INSR: variants seen among roughly 807,000 people sequenced by gnomAD.
INSR encodes the protein insulin receptor.
In INSR, 67 loss-of-function variants were observed where a neutral mutation model predicts 142.6. That is an observed-to-expected ratio of 0.47 (90% CI 0.39 to 0.58). INSR has a LOEUF of 0.58. Ranked by LOEUF, INSR falls within the 20% of genes least tolerant of loss-of-function variation. The pLI, the probability that INSR is intolerant of heterozygous loss-of-function variation, is 0.00. For missense variants in INSR, 1,248 were observed against 1,833.2 expected (o/e 0.68, Z 5.83); for synonymous variants, 756 against 743.1 (o/e 1.02, Z -0.28).
Position 7,293,970 on chromosome 19 carries a change from C to G in INSR, c.-79G>C, listed in dbSNP as rs1968571220. 1 of 1,136,836 alleles carries G rather than the reference C, an allele frequency of 8.8e-7. No homozygotes were observed. The allele number at this position is 1,136,836 out of a possible 1,614,324, so 70.4% of individuals were successfully genotyped here. A position where few individuals can be genotyped will look rare whatever the true frequency, so the allele number is the denominator to read the frequency against. On this transcript the variant is annotated 5_prime_UTR_variant, in exon 1 of 22. Coordinates refer to ENST00000302850, the MANE Select transcript of INSR (RefSeq NM_000208.4). ...GGGGTCATGCTCCGAGGCGGCCACCCAAGAGGCGCTGGGGGCCGCGCGTCC... is the reference window on the plus strand; with the variant it reads ...GGGGTCATGCTCCGAGGCGGCCACCGAAGAGGCGCTGGGGGCCGCGCGTCC...
At chr19:7,160,679 G>C (rs186795980) in intron 9 of INSR, among the ~76,000 whole-genome samples, 2 of 152,042 alleles carry the variant, frequency 1.3e-5, no homozygotes, top group South Asian at 2.1e-4. Context: ...CTCCAGTTTG[G>C]TGGGTTCTAA....
In INSR at chr19:7,142,940, C is replaced by T. The variant is rs749049187; in HGVS notation, c.2418G>A (p.Ser806=). ...AGTGTCGCAAGCCGGAGATGACCAG[C>T]GACTCCTTGTTCACCACCTTCTCAA... is the stretch of plus-strand genomic sequence containing the variant. ...RPFEKVVNKE[S]LVISGLRHFT... is the part of the protein sequence containing the mutation. The change falls in exon 12 of 22, where the codon TCG becomes TCA. Residue 806 remains serine (S), a synonymous_variant. Transcript: ENST00000302850. 2.1e-5 allele frequency: 34 copies of T among 1,614,044 alleles called. No homozygotes were observed. Among genetic ancestry groups the T allele is most frequent in the East Asian group, 8.9e-5 (4 of 44,894 alleles).
intron 2 of INSR, among the ~76,000 whole-genome samples, chr19:7,252,785 G>A (rs368023964): frequency 1.2e-4 from 18 of 152,146 alleles, no homozygotes; most frequent in South Asian, 4.1e-4. Context: ...GACCCTCCTC[G>A]CCTGGGACAA....
chr19:7,269,691 C>A (rs982798014), intron 1 of INSR, among the ~76,000 whole-genome samples: 2 of 150,606 alleles, frequency 1.3e-5, no homozygotes, highest in South Asian at 2.1e-4. Context: ...ACCCCGCGTG[C>A]CATTGGTGCC....
rs1005042602 is a variant in INSR, at chr19:7,197,844, G to GAA, written c.653-13208_653-13207insTT. Among the ~76,000 whole-genome samples the GAA allele has an allele frequency of 1.3e-4, 18 of 139,856 alleles. 2 individuals carry two copies. Among genetic ancestry groups the GAA allele is most frequent in the African/African-American group, 3.5e-4 (13 of 37,244 alleles). The allele number at this position is 139,856 out of a possible 152,430, so 91.8% of individuals were successfully genotyped here. On this transcript the variant is annotated intron_variant, in intron 2 of 21. Coordinates refer to ENST00000302850, the MANE Select transcript of INSR (RefSeq NM_000208.4). ...CGAGAGAGAGAGAGAACGAGAGAGA[G>GAA]AGAGAGAGAACGAGAGAGAGTGTGT...
At chr19:7,120,253 CATCTTATATA>C (rs1217945224) in intron 20 of INSR, among the ~76,000 whole-genome samples, 1 of 152,236 alleles carries the variant, frequency 6.6e-6, no homozygotes, top group Non-Finnish European at 1.5e-5. Flanking sequence ...AACCAATGTT[CATCTTATATA>C]TGTTGACTGA....
At chr19:7,242,936 C>A (rs935686225) in intron 2 of INSR, among the ~76,000 whole-genome samples, 1 of 151,826 alleles carries the variant, frequency 6.6e-6, no homozygotes, top group Non-Finnish European at 1.5e-5. Flanking sequence ...ACTGCTAAAG[C>A]AGAGAAAAAT....
At position 7,216,740 on chromosome 19, in the gene INSR, G is replaced by C. The variant is rs908119402; in HGVS notation, c.653-32103C>G. ...CGCCCAGAGGGGGTTTCCAGGCCCAGGTGCTGGGTTTCTCACCGTATCCAT... is the reference window on the plus strand; with the variant it reads ...CGCCCAGAGGGGGTTTCCAGGCCCACGTGCTGGGTTTCTCACCGTATCCAT... On this transcript the variant is annotated intron_variant, in intron 2 of 21. Coordinates refer to ENST00000302850, the MANE Select transcript of INSR (RefSeq NM_000208.4). The surrounding 1 kb of genome is among the most constrained non-coding windows in gnomAD (Gnocchi z 4.2). Among the ~76,000 whole-genome samples the C allele has an allele frequency of 6.6e-6, 1 of 152,200 alleles. No individual in the cohort carries two copies. Among genetic ancestry groups the C allele is most frequent in the East Asian group, 1.9e-4 (1 of 5,192 alleles).
At chr19:7,235,808 C>T (rs1600073186) in intron 2 of INSR, among the ~76,000 whole-genome samples, 1 of 151,808 alleles carries the variant, frequency 6.6e-6, no homozygotes, top group South Asian at 2.1e-4. Flanking sequence ...GCCTGGGCAA[C>T]AGAGTAAGAT....
intron 17 of INSR, among the ~76,000 whole-genome samples, chr19:7,124,649 A>G (rs1410064422): frequency 8.6e-6 from 1 of 115,776 alleles, no homozygotes; most frequent in Non-Finnish European, 1.7e-5. Context: ...GAAATAAAAT[A>G]AAAATAAAGG....
At position 7,267,789 on chromosome 19, in the gene INSR, G is replaced by T; in HGVS notation, c.208C>A (p.Pro70Thr). 2.5e-6 allele frequency: 4 copies of T among 1,614,098 alleles called. No homozygotes were observed. The highest frequency in any genetic ancestry group is 3.4e-6 in the Non-Finnish European group (4 of 1,180,000). ...AAACTGAGGTCTCGGAAATCTTCGG[G>T]CCTCGTTTTGAACATCAAGAGTATC... ...LQILLMFKTR[P>T]EDFRDLSFPK... Residue 70 changes from proline to threonine, a missense_variant, in exon 2 of 22, where the codon CCC (proline) becomes ACC (threonine). Physicochemically the swap from Pro to Thr is conservative, Grantham distance 38. This residue lies in a region of INSR where 1,069 missense variants were observed against 1,654.0 expected (regional missense o/e 0.65). Transcript: ENST00000302850. This position sits in a 1 kb window ranked among gnomAD's most constrained non-coding sequence, Gnocchi z 6.3.
rs944140631 is a variant in INSR at position 7,116,113 on chromosome 19, T to A, written c.*943A>T. ...TTTTTTCCTTTTTCCATTTTGTTTT[T>A]TCTTTCTTTTTCTTTTTTTTTTTTT... is the stretch of plus-strand genomic sequence containing the variant. On this transcript the variant is annotated 3_prime_UTR_variant, in exon 22 of 22. Coordinates refer to ENST00000302850, the MANE Select transcript of INSR (RefSeq NM_000208.4). The A allele has an allele frequency of 9.6e-6, 1 of 104,070 alleles. No homozygotes were observed. Among genetic ancestry groups the A allele is most frequent in the Non-Finnish European group, 1.8e-5 (1 of 55,028 alleles). 6.4% of individuals were successfully genotyped at this position (104,070 alleles called of 1,614,324 possible). A position where few individuals can be genotyped will look rare whatever the true frequency, so the allele number is the denominator to read the frequency against.
At chr19:7,171,210 T>C (rs1161491163) in intron 5 of INSR, among the ~76,000 whole-genome samples, 1 of 139,570 alleles carries the variant, frequency 7.2e-6, no homozygotes, top group East Asian at 1.9e-4. Context: ...AAAGGAGCCA[T>C]TGAAGGTTTT....
intron 2 of INSR, among the ~76,000 whole-genome samples, chr19:7,218,610 G>A (rs1484075982): frequency 6.6e-6 from 1 of 151,944 alleles, no homozygotes; most frequent in Non-Finnish European, 1.5e-5. Flanking sequence ...GCATGATCTC[G>A]GCTCACTGCA....
At chr19:7,276,800 G>A (rs1015078769) in intron 1 of INSR, among the ~76,000 whole-genome samples, 5 of 151,934 alleles carry the variant, frequency 3.3e-5, no homozygotes, top group Non-Finnish European at 7.4e-5. Context: ...GCGTGATCTC[G>A]AATCACTGCA....
At chr19:7,172,567 G>A in intron 4 of INSR, 133 bp from the exon 5 acceptor site, 1 of 979,748 alleles carries the variant, frequency 1.0e-6, no homozygotes, top group Non-Finnish European at 1.6e-6. Context: ...ATCATGCTTA[G>A]AACACAATCT....
rs367642400 is a variant in INSR at position 7,125,486 on chromosome 19, A to G, written c.3055T>C (p.Ser1019Pro). 5 of 1,613,762 alleles carry G rather than the reference A, an allele frequency of 3.1e-6. No homozygotes were observed. The highest frequency in any genetic ancestry group is 3.3e-5 in the Admixed American group (2 of 59,968). The part of the protein sequence containing the change: ...SVYVPDEWEV[S>P]REKITLLREL... ...CGAAGGAGGGTGATCTTCTCTCGAG[A>G]CACCTCCCACTCGTCCGGCACGTAC... The change falls in exon 17 of 22, where the codon TCT (serine) becomes CCT (proline). Residue 1019 changes from serine (S) to proline (P), a missense_variant. Ser to Pro is a moderately conservative substitution (Grantham distance 74, BLOSUM62 -1). Coordinates refer to ENST00000302850, the MANE Select transcript of INSR (RefSeq NM_000208.4). This position sits in a 1 kb window ranked among gnomAD's most constrained non-coding sequence, Gnocchi z 4.9.
rs530278666 is a variant in INSR, at chr19:7,293,816, C to T, written c.76G>A (p.Ala26Thr). Residue 26 changes from alanine (A) to threonine (T), a missense_variant, in exon 1 of 22, where the codon GCG becomes ACG. By Grantham distance (58) the Ala-to-Thr change is moderately conservative. Around this residue, in one of 3 missense-constraint regions of INSR, gnomAD observed 57 missense variants for 49.5 expected, o/e 1.15. Coordinates refer to ENST00000302850, the MANE Select transcript of INSR (RefSeq NM_000208.4). ...CCCTCTCCGGGGTACAGGTGGCCCG[C>T]GGCGCCCAGTAGCAGCGCGGCCACC... ...VAVAALLLGA[A>T]GHLYPGEVCP... The T allele has an allele frequency of 1.4e-5, 19 of 1,347,330 alleles. No individual in the cohort carries two copies. The African/African-American group carries it at 2.7e-4, about 19-fold the overall frequency. The allele number at this position is 1,347,330 out of a possible 1,614,324, so 83.5% of individuals were successfully genotyped here. A position where few individuals can be genotyped will look rare whatever the true frequency, so the allele number is the denominator to read the frequency against.
intron 3 of INSR, among the ~76,000 whole-genome samples, chr19:7,179,980 G>C (rs989464288): frequency 6.6e-6 from 1 of 152,184 alleles, no homozygotes; most frequent in Non-Finnish European, 1.5e-5. Context: ...ATTGAGGTCT[G>C]CCCTTCCTGG....
Sources: gnomAD v4.1 joint callset for allele counts (sites outside exome capture counted in the v4.1 genomes callset) on GRCh38, gnomAD v4.1.1 for gene constraint, gnomAD v4.1.1 regional missense constraint, Gnocchi (gnomAD v3.1) non-coding constraint, MANE v1.5 for transcripts, NCBI Gene and HGNC (gene_info 2026-07-23, HGNC 2026-07-21) for gene names.